MYO9A: variants seen among roughly 807,000 people sequenced by gnomAD.
The protein encoded by MYO9A is unconventional myosin-IXa.
A neutral mutation model predicts 293.3 loss-of-function variants in MYO9A; 103 were observed. The observed-to-expected ratio is 0.35, with a 90% CI of 0.30 to 0.41. The LOEUF (loss-of-function observed/expected upper bound fraction) is 0.41. Ranked by LOEUF, MYO9A falls within the 10% of genes least tolerant of loss-of-function variation. MYO9A has a pLI of 1.00. For missense variants in MYO9A, 2,685 were observed against 3,033.0 expected, an observed-to-expected ratio of 0.89 and a Z score of 2.69; for synonymous variants, 1,001 against 1,035.7, an observed-to-expected ratio of 0.97 and a Z score of 0.64.
chr15:72,028,653 A>AC (rs1398527635), intron 3 of MYO9A, among the ~76,000 whole-genome samples: 1 of 151,816 alleles, frequency 6.6e-6, no homozygotes, highest in Non-Finnish European at 1.5e-5. Flanking sequence ...GTCTCAAAAA[A>AC]AAAAAAAGAA....
upstream of MYO9A, chr15:72,118,199 T>C (rs2081078824): frequency 1.4e-5 from 5 of 353,776 alleles, no homozygotes; most frequent in South Asian, 1.6e-4. Flanking sequence ...CCCCGCCCTG[T>C]CCCGCCCCCG....
chr15:71,905,034 T>C (rs1356131342), intron 19 of MYO9A, 28 bp from the exon 20 acceptor site: 2 of 1,545,598 alleles, frequency 1.3e-6, no homozygotes, highest in Non-Finnish European at 1.8e-6. Context: ...ATAATTATCA[T>C]ACTCTTCCAT....
At chr15:71,926,644 C>T (rs2058320197) in intron 18 of MYO9A, among the ~76,000 whole-genome samples, 1 of 152,136 alleles carries the variant, frequency 6.6e-6, no homozygotes, top group East Asian at 1.9e-4. Context: ...GAGGTAGAGG[C>T]TGCAGTGAGC....
chr15:71,932,792 T>C (rs1202478152), intron 18 of MYO9A, among the ~76,000 whole-genome samples: 1 of 152,150 alleles, frequency 6.6e-6, no homozygotes, highest in Non-Finnish European at 1.5e-5. Context: ...TGTAATTATT[T>C]TGAGATTCAT....
intron 6 of MYO9A, among the ~76,000 whole-genome samples, chr15:72,012,973 T>A (rs902421617): frequency 6.6e-6 from 1 of 152,136 alleles, no homozygotes. Context: ...TTAAAAAAAA[T>A]GTGTATTAAT....
At chr15:72,098,271 C>A (rs2080131703) in intron 1 of MYO9A, among the ~76,000 whole-genome samples, 1 of 151,678 alleles carries the variant, frequency 6.6e-6, no homozygotes, top group South Asian at 2.1e-4. Flanking sequence ...GCCCTGACAA[C>A]AGTTAAAGTT....
intron 25 of MYO9A, among the ~76,000 whole-genome samples, chr15:71,896,035 T>G (rs567419420): frequency 2.0e-5 from 3 of 152,200 alleles, no homozygotes; most frequent in Non-Finnish European, 4.4e-5. Flanking sequence ...TAACACTCTC[T>G]TATGGATGCA....
At chr15:72,059,458 G>A (rs1456625347) in intron 1 of MYO9A, among the ~76,000 whole-genome samples, 2 of 152,174 alleles carry the variant, frequency 1.3e-5, no homozygotes, top group South Asian at 2.1e-4. Context: ...GCACAATTCA[G>A]TTTCAGCTCT....
rs539093897 is a variant in MYO9A at position 72,117,664 on chromosome 15, C to A, written c.-72+16G>T. On this transcript the variant is annotated intron_variant, in intron 1 of 41. Coordinates refer to ENST00000356056, the MANE Select transcript of MYO9A (RefSeq NM_006901.4). ...GGACGGGCTGCAGGGCCGCTGGGCG[C>A]TTGGGCGGGTCTTACCTCGGGCTCC... is the stretch of plus-strand genomic sequence containing the variant. 2.5e-6 allele frequency: 1 copy of A among 396,306 alleles called. No homozygotes were observed. Among genetic ancestry groups the A allele is most frequent in the Non-Finnish European group, 4.4e-6 (1 of 224,998 alleles). The allele number at this position is 396,306 out of a possible 1,614,324, so 24.5% of individuals were successfully genotyped here.
At chr15:72,030,210 G>C (rs2077818604) in intron 3 of MYO9A, among the ~76,000 whole-genome samples, 1 of 152,086 alleles carries the variant, frequency 6.6e-6, no homozygotes, top group Non-Finnish European at 1.5e-5. Context: ...GTCTAAAATG[G>C]GAGAAAGGAA....
chr15:72,096,071 G>A, intron 1 of MYO9A, among the ~76,000 whole-genome samples: 1 of 148,958 alleles, frequency 6.7e-6, no homozygotes, highest in Non-Finnish European at 1.5e-5. Context: ...TAAGGCAGGA[G>A]AATCATTTGA....
chr15:71,840,833 A>G (rs975098430), intron 39 of MYO9A, among the ~76,000 whole-genome samples: 7 of 152,136 alleles, frequency 4.6e-5, no homozygotes, highest in Non-Finnish European at 8.8e-5. Flanking sequence ...GGGTTTCACC[A>G]CGTTAGCCAG....
intron 1 of MYO9A, among the ~76,000 whole-genome samples, chr15:72,100,393 A>G (rs555615635): frequency 6.6e-6 from 1 of 151,852 alleles, no homozygotes; most frequent in Non-Finnish European, 1.5e-5. Context: ...CCGTCTGGGA[A>G]GTGAGGAGCG....
chr15:71,849,922 T>C, intron 38 of MYO9A, 114 bp downstream of exon 38: 1 of 1,352,106 alleles, frequency 7.4e-7, no homozygotes, highest in Non-Finnish European at 1.0e-6. Context: ...TCCAACAATC[T>C]TCTTAAAAAC....
At chr15:71,903,597 C>A (rs2057545753) in intron 21 of MYO9A, among the ~76,000 whole-genome samples, 1 of 152,174 alleles carries the variant, frequency 6.6e-6, no homozygotes, top group South Asian at 2.1e-4. Context: ...CAAATAGAAT[C>A]TTTTCACTAG....
chr15:71,906,753 T>TCTTG (rs1315427563), intron 19 of MYO9A, among the ~76,000 whole-genome samples: 55 of 77,866 alleles, frequency 7.1e-4, no homozygotes, highest in Non-Finnish European at 3.6e-4. Flanking sequence ...AATATCCATT[T>TCTTG]CTTTCTTTTT....
At chr15:71,944,916 TGAGA>T (rs1033112010) in intron 15 of MYO9A, among the ~76,000 whole-genome samples, 4 of 152,168 alleles carry the variant, frequency 2.6e-5, no homozygotes, top group African/African-American at 9.6e-5. Flanking sequence ...TAGATCAATC[TGAGA>T]GAGAGCTGCA....
rs201570926 is a variant in MYO9A, at chr15:71,900,012, G to C, written c.3151-6C>G. 1 of 1,592,920 alleles carries C rather than the reference G, an allele frequency of 6.3e-7. No homozygotes were observed. The highest frequency in any genetic ancestry group is 2.3e-5 in the East Asian group (1 of 44,376). ...AGGTAATTCCTCCAGAATCTCTATG[G>C]GGAAGACAAAATAACAGAAACTGGT... is the stretch of plus-strand genomic sequence containing the variant. On this transcript the variant is annotated splice_region_variant and splice_polypyrimidine_tract_variant and intron_variant, in intron 23 of 41. Coordinates refer to ENST00000356056, the MANE Select transcript of MYO9A (RefSeq NM_006901.4).
chr15:72,017,801 A>C (rs1386175961), intron 6 of MYO9A, among the ~76,000 whole-genome samples: 2 of 152,138 alleles, frequency 1.3e-5, no homozygotes, highest in East Asian at 3.9e-4. Flanking sequence ...TTAATAAATT[A>C]ATTCATTAAT....
Sources: allele counts gnomAD v4.1 joint callset (sites outside exome capture counted in the v4.1 genomes callset), GRCh38; gene constraint gnomAD v4.1.1; transcripts MANE v1.5; gene names NCBI Gene and HGNC (gene_info 2026-07-23, HGNC 2026-07-21).